Variants in PI4KA observed in about 807,000 individuals in gnomAD.
PI4KA encodes phosphatidylinositol 4-kinase alpha.
PI4KA carries 122 observed loss-of-function variants against 271.4 expected under a neutral mutation model. The ratio of observed to expected loss-of-function variants is 0.45; its 90% confidence interval spans 0.39 to 0.52. PI4KA has a LOEUF of 0.52. Ranked by LOEUF, PI4KA falls within the 20% of genes least tolerant of loss-of-function variation. The probability of loss-of-function intolerance (pLI) is 0.00; values close to 1 mark genes in which losing one functional copy is unlikely to be tolerated. For synonymous variants in PI4KA, 1,041 were observed against 1,078.8 expected, an observed-to-expected ratio of 0.96 and a Z score of 0.69; for missense variants, 1,969 against 2,769.1, an observed-to-expected ratio of 0.71 and a Z score of 6.48.
intron 3 of PI4KA, among the ~76,000 whole-genome samples, chr22:20,824,775 CACACAA>C (rs1398514338): frequency 3.1e-4 from 39 of 124,576 alleles, no homozygotes; most frequent in African/African-American, 1.2e-3. Flanking sequence ...CACACACACA[CACACAA>C]AACACTCGGC....
chr22:20,708,330 C>A (rs1924776577), intron 54 of PI4KA, among the ~76,000 whole-genome samples: 1 of 152,110 alleles, frequency 6.6e-6, no homozygotes, highest in Admixed American at 6.5e-5. Context: ...TCCGTGGGAG[C>A]CACTGCTCTG....
chr22:20,780,291 C>CTA (rs1224445639), intron 19 of PI4KA: 3 of 1,580,420 alleles, frequency 1.9e-6, no homozygotes, highest in Non-Finnish European at 2.6e-6. Context: ...TGTACTGTAG[C>CTA]TATAATTTAT....
rs769742231 is a variant in PI4KA, at chr22:20,742,371, C to T, written c.3614-16G>A. ...GGGTCACAATCTGGAACCAAACACA[C>T]GTCAGTCAGAGGCCTCCAACAACAG... On this transcript the variant is annotated splice_polypyrimidine_tract_variant and intron_variant, in intron 31 of 54. Coordinates refer to ENST00000255882, the MANE Select transcript of PI4KA (RefSeq NM_058004.4). The T allele has an allele frequency of 2.9e-5, 46 of 1,611,800 alleles. No homozygotes were observed. The highest frequency in any genetic ancestry group is 3.1e-5 in the Non-Finnish European group (36 of 1,178,742).
chr22:20,778,150 C>T (rs75917143), intron 19 of PI4KA, among the ~76,000 whole-genome samples: 4,521 of 152,242 alleles, frequency 0.03, 89 homozygotes, highest in Middle Eastern at 0.061. Flanking sequence ...CACCACATCA[C>T]CTCACTACGC....
intron 48 of PI4KA, 54 bp downstream of exon 48, chr22:20,713,227 T>C (rs948042876): frequency 1.9e-5 from 25 of 1,299,132 alleles, no homozygotes; most frequent in African/African-American, 5.9e-5. Flanking sequence ...GCCTGGAGCC[T>C]TGGGGAGCAG....
At chr22:20,800,791 G>A (rs867387356) in intron 14 of PI4KA, among the ~76,000 whole-genome samples, 55 of 150,026 alleles carry the variant, frequency 3.7e-4, no homozygotes, top group African/African-American at 1.1e-3. Context: ...GGAGAATGGC[G>A]TGAACCCAGG....
At chr22:20,745,361 C>T (rs1929937118) in intron 29 of PI4KA, among the ~76,000 whole-genome samples, 1 of 152,200 alleles carries the variant, frequency 6.6e-6, no homozygotes, top group African/African-American at 2.4e-5. Context: ...AGTTCCTGTT[C>T]ATCCACGGTC....
At chr22:20,754,675 CA>C (rs1215289822) in intron 23 of PI4KA, among the ~76,000 whole-genome samples, 1 of 152,172 alleles carries the variant, frequency 6.6e-6, no homozygotes, top group Non-Finnish European at 1.5e-5. Context: ...GTTGGCCAGG[CA>C]TGGTGGCTCA....
At chr22:20,779,514 G>A (rs909727132) in intron 19 of PI4KA, 35 of 1,613,994 alleles carry the variant, frequency 2.2e-5, no homozygotes, top group Non-Finnish European at 2.5e-5. Flanking sequence ...CGTCACCAAC[G>A]ACTGGATTCC....
chr22:20,760,039 G>A (rs1462085014), intron 23 of PI4KA, among the ~76,000 whole-genome samples: 1 of 152,096 alleles, frequency 6.6e-6, no homozygotes, highest in Non-Finnish European at 1.5e-5. Context: ...AAGAAGTATC[G>A]GAAATAATTT....
chr22:20,765,068 G>A, intron 21 of PI4KA, 32 bp downstream of exon 21: 4 of 1,600,474 alleles, frequency 2.5e-6, no homozygotes, highest in South Asian at 2.2e-5. Flanking sequence ...TTGGCACAGA[G>A]AGCATGGTAA....
intron 1 of PI4KA, among the ~76,000 whole-genome samples, chr22:20,852,396 G>A (rs531045396): frequency 6.6e-6 from 1 of 152,316 alleles, no homozygotes; most frequent in Non-Finnish European, 1.5e-5. Flanking sequence ...GGAGAAAGTG[G>A]CCTCGGAAGA....
intron 15 of PI4KA, 131 bp downstream of exon 15, chr22:20,799,540 A>T (rs899736743): frequency 4.0e-6 from 3 of 751,074 alleles, no homozygotes; most frequent in Admixed American, 2.8e-5. Context: ...TCTTGTGACA[A>T]CCCTGATACA....
intron 2 of PI4KA, among the ~76,000 whole-genome samples, chr22:20,838,096 G>C (rs1171442191): frequency 6.6e-6 from 1 of 151,444 alleles, no homozygotes. Context: ...ACTCCAGCCT[G>C]GGTGACAAAG....
chr22:20,746,285 A>ACC, intron 29 of PI4KA, among the ~76,000 whole-genome samples: 1 of 152,018 alleles, frequency 6.6e-6, no homozygotes, highest in East Asian at 1.9e-4. Flanking sequence ...GATGGTCTCG[A>ACC]TCCACTGACC....
intron 3 of PI4KA, among the ~76,000 whole-genome samples, chr22:20,830,034 T>C (rs1410080259): frequency 6.6e-6 from 1 of 152,228 alleles, no homozygotes; most frequent in African/African-American, 2.4e-5. Flanking sequence ...CTGAATTTGC[T>C]GAGGCTTGTT....
intron 23 of PI4KA, 139 bp downstream of exon 23, chr22:20,761,165 T>A: frequency 1.6e-6 from 1 of 639,396 alleles, no homozygotes; most frequent in Admixed American, 2.6e-5. Context: ...GAAGGCTATA[T>A]GTTTTATACT....
intron 42 of PI4KA, among the ~76,000 whole-genome samples, chr22:20,726,029 T>C (rs566793631): frequency 1.9e-3 from 285 of 152,260 alleles, no homozygotes; most frequent in Admixed American, 0.017. Context: ...GTTTGTTTTG[T>C]TTTTTGGCCT....
At chr22:20,837,601 C>T (rs1244023328) in intron 2 of PI4KA, among the ~76,000 whole-genome samples, 2 of 151,892 alleles carry the variant, frequency 1.3e-5, no homozygotes, top group Non-Finnish European at 2.9e-5. Context: ...ATTCAAATAT[C>T]TAACATCTTT....
Sources: allele counts gnomAD v4.1 joint callset (sites outside exome capture counted in the v4.1 genomes callset), GRCh38; gene constraint gnomAD v4.1.1; transcripts MANE v1.5; gene names NCBI Gene and HGNC (gene_info 2026-07-23, HGNC 2026-07-21).